Variants in LRRC4C observed in about 807,000 individuals in gnomAD.
LRRC4C encodes the protein leucine rich repeat containing 4C.
A neutral mutation model predicts 33.6 loss-of-function variants in LRRC4C; 5 were observed. The observed-to-expected ratio is 0.15, with a 90% CI of 0.08 to 0.31. LRRC4C has a LOEUF of 0.31. Ranked by LOEUF, LRRC4C falls within the 10% of genes least tolerant of loss-of-function variation. The pLI is 1.00. For synonymous variants in LRRC4C, 329 were observed against 302.0 expected (o/e 1.09, Z -0.93); for missense variants, 560 against 796.7 (o/e 0.70, Z 3.58).
chr11:40,479,403 C>A (rs1160433893), intron 3 of LRRC4C, among the ~76,000 whole-genome samples: 1 of 152,084 alleles, frequency 6.6e-6, no homozygotes, highest in African/African-American at 2.4e-5. Flanking sequence ...CCTTCTGGAG[C>A]TTATGTTACA....
intron 1 of LRRC4C, among the ~76,000 whole-genome samples, chr11:41,139,668 T>C (rs1464802448): frequency 1.3e-5 from 2 of 151,908 alleles, no homozygotes; most frequent in South Asian, 2.1e-4. Context: ...ATCCAGGAAA[T>C]GCTGTGGGTC....
chr11:40,938,969 A>G (rs1456782828), intron 1 of LRRC4C, among the ~76,000 whole-genome samples: 1 of 152,142 alleles, frequency 6.6e-6, no homozygotes, highest in Admixed American at 6.6e-5. Context: ...CAGAGAAAAT[A>G]TTATCCAGAT....
intron 1 of LRRC4C, among the ~76,000 whole-genome samples, chr11:41,207,012 A>G (rs761904255): frequency 7.2e-5 from 11 of 152,142 alleles, no homozygotes; most frequent in Non-Finnish European, 1.5e-4. Flanking sequence ...TAATGTATAG[A>G]TTAGCAAAAA....
At chr11:40,557,171 C>A (rs1397011640) in intron 3 of LRRC4C, among the ~76,000 whole-genome samples, 1 of 151,874 alleles carries the variant, frequency 6.6e-6, no homozygotes, top group Non-Finnish European at 1.5e-5. Flanking sequence ...AATATAATAT[C>A]ATTTTTTAAA....
At chr11:40,930,159 C>CAG (rs1565213814) in intron 2 of LRRC4C, among the ~76,000 whole-genome samples, 1 of 152,136 alleles carries the variant, frequency 6.6e-6, no homozygotes, top group East Asian at 1.9e-4. Context: ...GGGGAGGAAG[C>CAG]TGTTCAGGTA....
At chr11:40,266,584 T>C (rs1942275222) in intron 4 of LRRC4C, among the ~76,000 whole-genome samples, 1 of 152,168 alleles carries the variant, frequency 6.6e-6, no homozygotes, top group African/African-American at 2.4e-5. Flanking sequence ...AAGGCTATTA[T>C]GTATTATACT....
At chr11:41,089,458 A>G (rs1374801921) in intron 1 of LRRC4C, among the ~76,000 whole-genome samples, 11 of 152,164 alleles carry the variant, frequency 7.2e-5, no homozygotes, top group Admixed American at 2.0e-4. Context: ...GCTTTGGTCC[A>G]GAAAATTCAG....
intron 5 of LRRC4C, among the ~76,000 whole-genome samples, chr11:40,177,440 C>A (rs369402981): frequency 1.3e-5 from 2 of 152,222 alleles, no homozygotes; most frequent in East Asian, 3.9e-4. Context: ...AGGTCTCCTA[C>A]CTTCTTTATC....
At chr11:40,898,360 A>AAAAAAAAAAAAAG (rs1956055015) in intron 2 of LRRC4C, among the ~76,000 whole-genome samples, 1 of 146,978 alleles carries the variant, frequency 6.8e-6, no homozygotes, top group African/African-American at 2.5e-5. Context: ...TCTCAAAAAA[A>AAAAAAAAAAAAAG]AAAAAAAAAA....
At chr11:41,387,903 G>A (rs1953424125) in intron 1 of LRRC4C, among the ~76,000 whole-genome samples, 1 of 151,742 alleles carries the variant, frequency 6.6e-6, no homozygotes, top group South Asian at 2.1e-4. Context: ...TCTAATCACA[G>A]TGCAAGATTT....
At chr11:40,361,443 A>G (rs1280020404) in intron 3 of LRRC4C, among the ~76,000 whole-genome samples, 1 of 152,200 alleles carries the variant, frequency 6.6e-6, no homozygotes, top group Non-Finnish European at 1.5e-5. Context: ...CCAAATCACA[A>G]ACAAACTCTC....
intron 1 of LRRC4C, among the ~76,000 whole-genome samples, chr11:41,031,818 G>A (rs1350822167): frequency 1.3e-5 from 2 of 151,970 alleles, no homozygotes; most frequent in Non-Finnish European, 2.9e-5. Flanking sequence ...CATAAATTGG[G>A]CTGTTCCCCA....
At chr11:41,329,467 A>T (rs188670828) in intron 1 of LRRC4C, among the ~76,000 whole-genome samples, 1 of 152,358 alleles carries the variant, frequency 6.6e-6, no homozygotes, top group East Asian at 1.9e-4. Flanking sequence ...GTCACCAGTC[A>T]CTTAACTACA....
At chr11:40,668,424 G>T (rs75790614) in intron 2 of LRRC4C, among the ~76,000 whole-genome samples, 1 of 152,110 alleles carries the variant, frequency 6.6e-6, no homozygotes, top group African/African-American at 2.4e-5. Flanking sequence ...CATAAAAAAT[G>T]CAAACACAAA....
chr11:40,876,546 G>A (rs1401257820), intron 2 of LRRC4C, among the ~76,000 whole-genome samples: 1 of 152,044 alleles, frequency 6.6e-6, no homozygotes, highest in Non-Finnish European at 1.5e-5. Context: ...TTTCACACAA[G>A]TAAGCAAGTT....
At chr11:40,555,969 C>G (rs1041823696) in intron 3 of LRRC4C, among the ~76,000 whole-genome samples, 59 of 151,954 alleles carry the variant, frequency 3.9e-4, no homozygotes, top group African/African-American at 1.4e-3. Flanking sequence ...ATTTCAGAAC[C>G]AAGGATAATA....
chr11:40,885,736 A>G (rs573623623), intron 2 of LRRC4C, among the ~76,000 whole-genome samples: 2 of 152,258 alleles, frequency 1.3e-5, no homozygotes, highest in African/African-American at 4.8e-5. Flanking sequence ...TTCTAAAAGA[A>G]TGCATCTATT....
At chr11:41,447,162 G>A (rs1012709855) in intron 1 of LRRC4C, among the ~76,000 whole-genome samples, 14 of 152,242 alleles carry the variant, frequency 9.2e-5, no homozygotes, top group East Asian at 1.9e-4. Context: ...ATCTTCTCAC[G>A]TCCCAGCTCT....
intron 5 of LRRC4C, among the ~76,000 whole-genome samples, chr11:40,165,818 G>A (rs11607803): frequency 0.028 from 4,289 of 152,194 alleles, 68 homozygotes; most frequent in South Asian, 0.051. Flanking sequence ...GGTGGTGCAT[G>A]CTTGTAATCC....
Sources: allele counts gnomAD v4.1 joint callset (sites outside exome capture counted in the v4.1 genomes callset), GRCh38; gene constraint gnomAD v4.1.1; transcripts MANE v1.5; gene names NCBI Gene and HGNC (gene_info 2026-07-23, HGNC 2026-07-21).